Variants in CAMSAP1 observed in about 807,000 individuals in gnomAD.
The protein encoded by CAMSAP1 is calmodulin regulated spectrin associated protein 1, also known as calmodulin-regulated spectrin-associated protein 1.
Under a neutral mutation model 143.5 loss-of-function variants are expected in CAMSAP1, and 58 were observed. That is an observed-to-expected ratio of 0.40 (90% CI 0.33 to 0.50). The LOEUF is 0.50. CAMSAP1 is among the 20% of genes least tolerant of loss of function. The pLI is 0.45. For synonymous variants in CAMSAP1, 945 were observed against 859.3 expected, an observed-to-expected ratio of 1.10 and a Z score of -1.74; for missense variants, 1,969 against 2,115.7, an observed-to-expected ratio of 0.93 and a Z score of 1.36.
At chr9:135,906,511 T>G (rs1267707898) in intron 1 of CAMSAP1, among the ~76,000 whole-genome samples, 1 of 152,252 alleles carries the variant, frequency 6.6e-6, no homozygotes, top group African/African-American at 2.4e-5. Flanking sequence ...TTAAGCACAA[T>G]GCGCGGAATA....
At chr9:135,849,889 T>G (rs1588472046) in intron 7 of CAMSAP1, 1 of 365,032 alleles carries the variant, frequency 2.7e-6, no homozygotes, top group Non-Finnish European at 4.9e-6. Context: ...ATTCTGGAGG[T>G]GAGAACAGCC....
At chr9:135,881,607 ACAC>A (rs755793366) in intron 3 of CAMSAP1, 23 bp downstream of exon 3, 27 of 1,551,032 alleles carry the variant, frequency 1.7e-5, no homozygotes, top group Non-Finnish European at 2.4e-5. Flanking sequence ...GCAGAGTCAC[ACAC>A]CACATCTAGG....
chr9:135,903,739 G>A (rs919761373), intron 1 of CAMSAP1, among the ~76,000 whole-genome samples: 6 of 152,192 alleles, frequency 3.9e-5, no homozygotes, highest in Non-Finnish European at 7.3e-5. Flanking sequence ...ACCCCCAAAA[G>A]CGATTTCCAA....
chr9:135,869,555 G>A (rs1837500843), intron 3 of CAMSAP1, among the ~76,000 whole-genome samples: 1 of 151,956 alleles, frequency 6.6e-6, no homozygotes, highest in Non-Finnish European at 1.5e-5. Context: ...GCAAGGATGG[G>A]GAAAACTAGA....
chr9:135,856,558 C>T lies in CAMSAP1; in HGVS notation c.808+5909G>A, dbSNP rs78349547. Among the ~76,000 whole-genome samples, 972 of 152,310 alleles carry T rather than the reference C, an allele frequency of 6.4e-3. 5 individuals carry two copies. Among genetic ancestry groups the T allele is most frequent in the African/African-American group, 0.022 (899 of 41,560 alleles). ...GAGAACACGCAGCCCCATCCCCTAC[C>T]CTATGACTAAGAGGCTACAGCCCAC... On this transcript the variant is annotated intron_variant, in intron 5 of 16. Transcript: ENST00000389532.
At chr9:135,849,757 A>C (rs1323727802) in intron 7 of CAMSAP1, 1 of 156,934 alleles carries the variant, frequency 6.4e-6, no homozygotes, top group Non-Finnish European at 1.4e-5. Context: ...TGTAAGAAAT[A>C]ATTTCTTAAT....
At position 135,820,771 on chromosome 9, in the gene CAMSAP1, C is replaced by CTGCATGTG; in HGVS notation, c.3822+67_3822+68insCACATGCA. On this transcript the variant is annotated intron_variant, in intron 11 of 16. Transcript: ENST00000389532. The surrounding 1 kb of genome is among the most constrained non-coding windows in gnomAD (Gnocchi z 4.4). ...CCAGCCTGGTGCAGATCTGTGTTCT[C>CTGCATGTG]TAACTCACTATCACGTGGGGTGGCA... 1 of 1,565,546 alleles carries CTGCATGTG rather than the reference C, an allele frequency of 6.4e-7. No homozygotes were observed.
intron 1 of CAMSAP1, among the ~76,000 whole-genome samples, chr9:135,899,063 G>A (rs1207831593): frequency 6.6e-6 from 1 of 152,200 alleles, no homozygotes; most frequent in Non-Finnish European, 1.5e-5. Flanking sequence ...TACGCTAAGT[G>A]AAAGAAGTCA....
chr9:135,821,705 T>C lies in CAMSAP1; in HGVS notation c.2956A>G (p.Lys986Glu). 1 of 1,614,034 alleles carries C rather than the reference T, an allele frequency of 6.2e-7. No individual in the cohort carries two copies. The highest frequency in any genetic ancestry group is 2.2e-5 in the East Asian group (1 of 44,880). Residue 986 changes from lysine to glutamate, a missense_variant, in exon 11 of 17, where the codon AAA becomes GAA. Lys to Glu is a moderately conservative substitution (Grantham distance 56, BLOSUM62 1). Coordinates refer to ENST00000389532, the MANE Select transcript of CAMSAP1 (RefSeq NM_015447.4). The surrounding 1 kb of genome is among the most constrained non-coding windows in gnomAD (Gnocchi z 4.6). Reference sequence around the variant, plus strand: ...TGCAGAGCCACAGGGTCTTTTGCTTTATGTTGCTGAGCAAAGGCCAGGCTC... The same window carrying C: ...TGCAGAGCCACAGGGTCTTTTGCTTCATGTTGCTGAGCAAAGGCCAGGCTC... ...KESLAFAQQH[K>E]AKDPVALHEL...
intron 16 of CAMSAP1, 127 bp downstream of exon 16, chr9:135,814,970 G>T (rs1175218581): frequency 1.4e-5 from 10 of 728,744 alleles, no homozygotes; most frequent in Admixed American, 5.3e-5. Flanking sequence ...CCTCTTCCTT[G>T]AAATCTGCAT....
chr9:135,819,202 G>A (rs1223948371), intron 11 of CAMSAP1, 56 bp from the exon 12 acceptor site: 3 of 1,544,950 alleles, frequency 1.9e-6, no homozygotes, highest in Middle Eastern at 1.7e-4. Context: ...CGCCGGACAC[G>A]GCCGCACTCG....
At chr9:135,883,141 G>C (rs1475677974) in intron 1 of CAMSAP1, 63 bp from the exon 2 acceptor site, 11 of 1,517,770 alleles carry the variant, frequency 7.2e-6, no homozygotes, top group Admixed American at 2.0e-5. Flanking sequence ...AGGAGTTCAA[G>C]GCTGCAGTGA....
rs1837974688 is a variant in CAMSAP1, at chr9:135,882,029, G to C, written c.424-235C>G. Among the ~76,000 whole-genome samples, 1 of 152,228 alleles carries C rather than the reference G, an allele frequency of 6.6e-6. No individual in the cohort carries two copies. Among genetic ancestry groups the C allele is most frequent in the Non-Finnish European group, 1.5e-5 (1 of 68,040 alleles). On this transcript the variant is annotated intron_variant, in intron 2 of 16. Coordinates refer to ENST00000389532, the MANE Select transcript of CAMSAP1 (RefSeq NM_015447.4). The surrounding 1 kb of genome is among the most constrained non-coding windows in gnomAD (Gnocchi z 4.9). ...GAACCAGGAGTCCGTTCTCAGGCAG[G>C]CAGGCCAGCCCTGTGGCCCACAGTG...
chr9:135,894,121 G>C lies in CAMSAP1; in HGVS notation c.161-11043C>G, dbSNP rs146282886. Among the ~76,000 whole-genome samples, 967 of 152,158 alleles carry C rather than the reference G, an allele frequency of 6.4e-3. 3 individuals carry two copies. Among genetic ancestry groups the C allele is most frequent in the Middle Eastern group, 0.02 (6 of 294 alleles). ...AGGAGTTCCACCTACCACACCAGGC[G>C]AGCCCAAGCCCTACTAACAATCAGC... On this transcript the variant is annotated intron_variant, in intron 1 of 16. Coordinates refer to ENST00000389532, the MANE Select transcript of CAMSAP1 (RefSeq NM_015447.4).
In CAMSAP1 at chr9:135,866,449, C is replaced by T; in HGVS notation, c.666+7G>A. On this transcript the variant is annotated splice_region_variant and intron_variant, in intron 4 of 16. Coordinates refer to ENST00000389532, the MANE Select transcript of CAMSAP1 (RefSeq NM_015447.4). ...TGCATTCCAGAAAAATTAAATTTAC[C>T]CTTTACCTTTTGATGAGCTGGACTT... 1 of 1,366,890 alleles carries T rather than the reference C, an allele frequency of 7.3e-7. No individual in the cohort carries two copies. The highest frequency in any genetic ancestry group is 1.0e-6 in the Non-Finnish European group (1 of 979,382). The allele number at this position is 1,366,890 out of a possible 1,614,324, so 84.7% of individuals were successfully genotyped here. A position where few individuals can be genotyped will look rare whatever the true frequency, so the allele number is the denominator to read the frequency against.
intron 1 of CAMSAP1, among the ~76,000 whole-genome samples, chr9:135,889,709 T>C (rs1359741568): frequency 1.3e-5 from 2 of 152,218 alleles, no homozygotes; most frequent in Admixed American, 6.5e-5. Context: ...GCAACCCTCA[T>C]AGCCCCTCCT....
chr9:135,865,430 G>A (rs560081196), intron 4 of CAMSAP1: 43 of 1,467,536 alleles, frequency 2.9e-5, no homozygotes, highest in South Asian at 2.2e-4. Context: ...ACGTGTGGAC[G>A]AGGTAACACA....
chr9:135,882,759 C>T lies in CAMSAP1; in HGVS notation c.423+57G>A, dbSNP rs1442056228. The T allele has an allele frequency of 1.8e-5, 28 of 1,514,462 alleles. No individual in the cohort carries two copies. Among genetic ancestry groups the T allele is most frequent in the South Asian group, 1.3e-4 (10 of 79,950 alleles). The allele number at this position is 1,514,462 out of a possible 1,614,324, so 93.8% of individuals were successfully genotyped here. A position where few individuals can be genotyped will look rare whatever the true frequency, so the allele number is the denominator to read the frequency against. On this transcript the variant is annotated intron_variant, in intron 2 of 16. Coordinates refer to ENST00000389532, the MANE Select transcript of CAMSAP1 (RefSeq NM_015447.4). This position sits in a 1 kb window ranked among gnomAD's most constrained non-coding sequence, Gnocchi z 4.9. The stretch of plus-strand genomic sequence containing the variant: ...CCATCCATGCACCAGGTGCGCCACA[C>T]GAGAGCCCACGGCTCCAGAGGATGG...
intron 7 of CAMSAP1, 76 bp downstream of exon 7, chr9:135,850,061 A>G (rs568958332): frequency 8.5e-7 from 1 of 1,179,640 alleles, no homozygotes; most frequent in East Asian, 2.6e-5. Context: ...GAAACATGGA[A>G]CCACTGGAGA....
Sources: gnomAD v4.1 joint callset for allele counts (sites outside exome capture counted in the v4.1 genomes callset) on GRCh38, gnomAD v4.1.1 for gene constraint, Gnocchi (gnomAD v3.1) non-coding constraint, MANE v1.5 for transcripts, NCBI Gene and HGNC (gene_info 2026-07-23, HGNC 2026-07-21) for gene names.